Variants in RARB observed in about 807,000 individuals in gnomAD.
RARB encodes the protein retinoic acid receptor beta.
RARB carries 17 observed loss-of-function variants against 51.9 expected under a neutral mutation model. That is an observed-to-expected ratio of 0.33 (90% CI 0.22 to 0.49). The LOEUF (loss-of-function observed/expected upper bound fraction) is 0.49, where lower values mean the gene tolerates loss of function less well. Ranked by LOEUF, RARB falls within the 20% of genes least tolerant of loss-of-function variation. The pLI, the probability that RARB is intolerant of heterozygous loss-of-function variation, is 0.99. For synonymous variants in RARB, 215 were observed against 195.4 expected (o/e 1.10, Z -0.84); for missense variants, 369 against 550.8 (o/e 0.67, Z 3.30).
chr3:25,487,875 T>G (rs891913779), intron 2 of RARB, among the ~76,000 whole-genome samples: 1 of 152,250 alleles, frequency 6.6e-6, no homozygotes, highest in Non-Finnish European at 1.5e-5. Flanking sequence ...TTGAACCAAC[T>G]AAACTTCAGG....
chr3:25,515,128 G>C (rs1371955618), intron 3 of RARB, among the ~76,000 whole-genome samples: 1 of 152,186 alleles, frequency 6.6e-6, no homozygotes, highest in Admixed American at 6.5e-5. Flanking sequence ...ACGGTGTCCA[G>C]GTCTATGGAG....
intron 3 of RARB, among the ~76,000 whole-genome samples, chr3:25,108,756 C>T (rs1034106036): frequency 9.2e-5 from 14 of 152,162 alleles, no homozygotes; most frequent in African/African-American, 2.2e-4. Flanking sequence ...AATTGTACCA[C>T]GTTTTAAAAT....
intron 2 of RARB, among the ~76,000 whole-genome samples, chr3:24,988,523 T>C (rs529823438): frequency 1.5e-4 from 23 of 152,296 alleles, no homozygotes; most frequent in Non-Finnish European, 3.2e-4. Flanking sequence ...CCCAGATAAG[T>C]AAACATAACC....
intron 5 of RARB, among the ~76,000 whole-genome samples, chr3:25,210,529 CTTTTTT>C (rs773846113): frequency 0.022 from 612 of 27,636 alleles, 48 homozygotes; most frequent in African/African-American, 0.05. Context: ...TTATCTGATT[CTTTTTT>C]TTTTTTTTTT....
At chr3:25,493,484 G>A (rs750981422) in intron 2 of RARB, among the ~76,000 whole-genome samples, 1 of 152,194 alleles carries the variant, frequency 6.6e-6, no homozygotes, top group South Asian at 2.1e-4. Flanking sequence ...GCAGCTCTCT[G>A]CTGGCCTGGG....
chr3:25,351,172 G>A (rs1705557582), intron 5 of RARB, among the ~76,000 whole-genome samples: 1 of 152,096 alleles, frequency 6.6e-6, no homozygotes, highest in African/African-American at 2.4e-5. Flanking sequence ...CTAAAAAGAG[G>A]CTTAACCAGG....
At chr3:24,841,100 C>T (rs1036618437) in intron 1 of RARB, among the ~76,000 whole-genome samples, 4 of 152,108 alleles carry the variant, frequency 2.6e-5, no homozygotes, top group African/African-American at 9.7e-5. Flanking sequence ...GATAAGTGTC[C>T]AGGAGATGCT....
intron 5 of RARB, among the ~76,000 whole-genome samples, chr3:25,244,562 G>A (rs188312815): frequency 7.9e-5 from 12 of 152,162 alleles, no homozygotes; most frequent in Non-Finnish European, 8.8e-5. Context: ...CCTTCATTTT[G>A]TTGTTTACCC....
At chr3:25,242,629 G>A (rs569383331) in intron 5 of RARB, among the ~76,000 whole-genome samples, 49 of 152,026 alleles carry the variant, frequency 3.2e-4, no homozygotes, top group African/African-American at 6.3e-4. Context: ...GATGTGTGGC[G>A]TTATTTCTGA....
intron 3 of RARB, among the ~76,000 whole-genome samples, chr3:25,118,204 C>T (rs1485815617): frequency 6.6e-6 from 1 of 152,102 alleles, no homozygotes; most frequent in Non-Finnish European, 1.5e-5. Flanking sequence ...GCAGTGATAA[C>T]CCTCATCAGC....
intron 2 of RARB, among the ~76,000 whole-genome samples, chr3:24,864,029 A>G (rs1363334513): frequency 1.3e-5 from 2 of 152,128 alleles, no homozygotes; most frequent in East Asian, 3.9e-4. Context: ...GTCTCTGCCC[A>G]TGAATGTGAT....
intron 1 of RARB, among the ~76,000 whole-genome samples, chr3:24,838,398 CAGAT>C (rs1445094648): frequency 1.3e-5 from 2 of 152,224 alleles, no homozygotes; most frequent in African/African-American, 2.4e-5. Context: ...AGCAGAGTGA[CAGAT>C]AGCATGGCCA....
intron 5 of RARB, among the ~76,000 whole-genome samples, chr3:25,203,279 G>T (rs1198483783): frequency 6.6e-6 from 1 of 151,962 alleles, no homozygotes; most frequent in Non-Finnish European, 1.5e-5. Flanking sequence ...TTTTCCATTT[G>T]CTTGGTAGAT....
intron 2 of RARB, among the ~76,000 whole-genome samples, chr3:25,488,744 T>C (rs186882417): frequency 4.1e-4 from 63 of 152,370 alleles, no homozygotes; most frequent in African/African-American, 1.3e-3. Context: ...ACTCAAGATA[T>C]ATGTTTCTTC....
chr3:25,044,944 T>A (rs1298895000), intron 2 of RARB, among the ~76,000 whole-genome samples: 2 of 152,298 alleles, frequency 1.3e-5, no homozygotes, highest in East Asian at 3.9e-4. Flanking sequence ...GTTTATAGTT[T>A]GAAGGGGGAA....
intron 5 of RARB, among the ~76,000 whole-genome samples, chr3:25,307,995 C>A (rs1257593412): frequency 1.3e-5 from 2 of 152,148 alleles, no homozygotes; most frequent in Admixed American, 1.3e-4. Flanking sequence ...TACTATCTGG[C>A]CCTTTACAGA....
chr3:25,022,148 A>G (rs1303942442), intron 2 of RARB, among the ~76,000 whole-genome samples: 1 of 152,208 alleles, frequency 6.6e-6, no homozygotes, highest in Non-Finnish European at 1.5e-5. Flanking sequence ...AGTATAGTGT[A>G]CATGTAGAAA....
chr3:25,400,496 G>T (rs969191803), intron 5 of RARB, among the ~76,000 whole-genome samples: 1 of 152,068 alleles, frequency 6.6e-6, no homozygotes, highest in African/African-American at 2.4e-5. Context: ...AAGAAAGAAG[G>T]TCTCAATATT....
At chr3:25,349,116 C>T (rs893797689) in intron 5 of RARB, among the ~76,000 whole-genome samples, 3 of 152,202 alleles carry the variant, frequency 2.0e-5, no homozygotes, top group Non-Finnish European at 4.4e-5. Flanking sequence ...CTATCCGTTA[C>T]CCTTCCCCCA....
Sources: gnomAD v4.1 joint callset for allele counts (sites outside exome capture counted in the v4.1 genomes callset) on GRCh38, gnomAD v4.1.1 for gene constraint, MANE v1.5 for transcripts, NCBI Gene and HGNC (gene_info 2026-07-23, HGNC 2026-07-21) for gene names.